INPP4B: variants seen among roughly 807,000 people sequenced by gnomAD.
The protein encoded by INPP4B is inositol polyphosphate-4-phosphatase type II B.
A neutral mutation model predicts 122.5 loss-of-function variants in INPP4B; 55 were observed. That is an observed-to-expected ratio of 0.45 (90% CI 0.36 to 0.56). INPP4B has a LOEUF of 0.56. Among genes scored for constraint, INPP4B ranks in the 20% least tolerant of loss-of-function variants. INPP4B has a pLI of 0.00. For missense variants in INPP4B, 1,000 were observed against 1,097.7 expected (o/e 0.91, Z 1.26); for synonymous variants, 403 against 388.7 (o/e 1.04, Z -0.43).
chr4:142,030,330 A>G lies in INPP4B; in HGVS notation c.2643-1416T>C, dbSNP rs187142995. ...GTTAAATGAGGGGAAGTTGGGGGGG[A>G]AAAGAAAATAGTATAGAGTTCACAC... On this transcript the variant is annotated intron_variant, in intron 25 of 25. Transcript: ENST00000262992. 7,579 of 1,526,970 alleles carry G rather than the reference A, an allele frequency of 5.0e-3. 29 individuals carry two copies. The highest frequency in any genetic ancestry group is 0.012 in the Middle Eastern group (73 of 5,942). 94.6% of individuals were successfully genotyped at this position (1,526,970 alleles called of 1,614,324 possible).
intron 2 of INPP4B, among the ~76,000 whole-genome samples, chr4:142,528,264 G>T (rs532654909): frequency 1.7e-4 from 26 of 152,152 alleles, no homozygotes; most frequent in Admixed American, 5.9e-4. Context: ...TGTGGATCAG[G>T]AATTCATACA....
chr4:142,355,154 G>T (rs985888481), intron 7 of INPP4B, among the ~76,000 whole-genome samples: 1 of 151,970 alleles, frequency 6.6e-6, no homozygotes, highest in Non-Finnish European at 1.5e-5. Context: ...ACTGCAAAGC[G>T]TCTTAAAATA....
intron 23 of INPP4B, among the ~76,000 whole-genome samples, chr4:142,094,031 C>T (rs191337196): frequency 6.6e-6 from 1 of 152,234 alleles, no homozygotes; most frequent in African/African-American, 2.4e-5. Context: ...ACGACGATAA[C>T]ATATTTTTTT....
At chr4:142,068,245 A>G (rs1764795351) in intron 25 of INPP4B, among the ~76,000 whole-genome samples, 1 of 152,194 alleles carries the variant, frequency 6.6e-6, no homozygotes, top group Non-Finnish European at 1.5e-5. Context: ...TTCATAAGTG[A>G]AGGAGAAATA....
chr4:142,348,636 T>A (rs1358725314), intron 7 of INPP4B, among the ~76,000 whole-genome samples: 2 of 152,062 alleles, frequency 1.3e-5, no homozygotes, highest in African/African-American at 2.4e-5. Flanking sequence ...CAATAAGAGC[T>A]TGGTGACACA....
intron 2 of INPP4B, among the ~76,000 whole-genome samples, chr4:142,543,438 T>C (rs1478493891): frequency 6.6e-6 from 1 of 152,204 alleles, no homozygotes; most frequent in Non-Finnish European, 1.5e-5. Flanking sequence ...ATCTATTATA[T>C]TTGTGGATAA....
intron 2 of INPP4B, among the ~76,000 whole-genome samples, chr4:142,492,657 T>C (rs564714101): frequency 6.6e-4 from 101 of 152,258 alleles, no homozygotes; most frequent in South Asian, 1.0e-3. Flanking sequence ...TGTGGAACTT[T>C]GAACTTGAGA....
At chr4:142,519,686 C>T (rs1331187329) in intron 2 of INPP4B, among the ~76,000 whole-genome samples, 1 of 152,090 alleles carries the variant, frequency 6.6e-6, no homozygotes, top group Non-Finnish European at 1.5e-5. Context: ...TGCTAAAGTA[C>T]TAACATTACC....
At chr4:142,567,356 G>A (rs1731837227) in intron 2 of INPP4B, among the ~76,000 whole-genome samples, 1 of 152,096 alleles carries the variant, frequency 6.6e-6, no homozygotes, top group Non-Finnish European at 1.5e-5. Flanking sequence ...AGGAAAGGAG[G>A]GGCAGGGCAG....
At chr4:142,611,528 A>C (rs1742497455) in intron 2 of INPP4B, among the ~76,000 whole-genome samples, 1 of 151,212 alleles carries the variant, frequency 6.6e-6, no homozygotes, top group Non-Finnish European at 1.5e-5. Context: ...TAAAATACAT[A>C]TATCTTTTAT....
At chr4:142,529,066 C>T (rs959773827) in intron 2 of INPP4B, among the ~76,000 whole-genome samples, 1 of 151,970 alleles carries the variant, frequency 6.6e-6, no homozygotes, top group Admixed American at 6.6e-5. Context: ...TTCGATGTCG[C>T]AAAATGAAAT....
intron 7 of INPP4B, among the ~76,000 whole-genome samples, chr4:142,351,635 G>A (rs1030568812): frequency 6.6e-6 from 1 of 151,894 alleles, no homozygotes; most frequent in African/African-American, 2.4e-5. Context: ...TTTGGACACT[G>A]AATAAAATTC....
At chr4:142,562,720 G>A (rs1374996194) in intron 2 of INPP4B, among the ~76,000 whole-genome samples, 1 of 151,994 alleles carries the variant, frequency 6.6e-6, no homozygotes, top group Non-Finnish European at 1.5e-5. Context: ...AAAAAATAGA[G>A]AGATAATAAA....
intron 2 of INPP4B, among the ~76,000 whole-genome samples, chr4:142,550,104 C>T (rs1454345223): frequency 6.6e-6 from 1 of 152,004 alleles, no homozygotes; most frequent in African/African-American, 2.4e-5. Context: ...GTCTAGGGTG[C>T]CACAACAACA....
At chr4:142,190,990 G>T (rs536802427) in intron 15 of INPP4B, among the ~76,000 whole-genome samples, 1 of 151,748 alleles carries the variant, frequency 6.6e-6, no homozygotes, top group African/African-American at 2.4e-5. Context: ...TTCTAATTGG[G>T]TTATACACTT....
At chr4:142,744,373 T>C (rs1768356386) in intron 1 of INPP4B, among the ~76,000 whole-genome samples, 1 of 151,850 alleles carries the variant, frequency 6.6e-6, no homozygotes, top group Admixed American at 6.6e-5. Flanking sequence ...AAATAGAATA[T>C]AAAGTATTTA....
intron 18 of INPP4B, among the ~76,000 whole-genome samples, chr4:142,145,625 A>G (rs931346451): frequency 6.6e-6 from 1 of 151,448 alleles, no homozygotes; most frequent in Admixed American, 6.6e-5. Context: ...TAAGATAAGA[A>G]AAAAAAAAGA....
At chr4:142,404,244 C>T (rs1802589630) in intron 6 of INPP4B, among the ~76,000 whole-genome samples, 1 of 152,156 alleles carries the variant, frequency 6.6e-6, no homozygotes, top group African/African-American at 2.4e-5. Flanking sequence ...AAATGACTCC[C>T]GTTCAGTCTG....
chr4:142,215,238 C>A (rs894404263), intron 12 of INPP4B, among the ~76,000 whole-genome samples: 1 of 152,038 alleles, frequency 6.6e-6, no homozygotes, highest in Non-Finnish European at 1.5e-5. Flanking sequence ...GACTGTAATC[C>A]CCAAACCCAC....
Sources: gnomAD v4.1 joint callset for allele counts (sites outside exome capture counted in the v4.1 genomes callset) on GRCh38, gnomAD v4.1.1 for gene constraint, MANE v1.5 for transcripts, NCBI Gene and HGNC (gene_info 2026-07-23, HGNC 2026-07-21) for gene names.